The following WDPCP variants were observed in gnomAD, a reference collection of about 807,000 sequenced individuals.
WDPCP encodes WD repeat-containing and planar cell polarity effector protein fritz homolog.
In WDPCP, 71 loss-of-function variants were observed where a neutral mutation model predicts 93.1. That is an observed-to-expected ratio of 0.76 (90% CI 0.63 to 0.93). WDPCP has a LOEUF of 0.93. WDPCP is among the 40% of genes least tolerant of loss of function. WDPCP has a pLI of 0.00. For synonymous variants in WDPCP, 315 were observed against 315.0 expected (o/e 1.00, Z 0.00); for missense variants, 844 against 887.4 (o/e 0.95, Z 0.62).
chr2:63,637,707 G>A (rs572533918), intron 3 of WDPCP, among the ~76,000 whole-genome samples: 14 of 152,134 alleles, frequency 9.2e-5, no homozygotes, highest in Non-Finnish European at 1.8e-4. Context: ...AACCATCAGG[G>A]AAATGCAAAT....
chr2:63,592,614 C>T (rs952281283), upstream of WDPCP, among the ~76,000 whole-genome samples: 1 of 152,192 alleles, frequency 6.6e-6, no homozygotes, highest in Non-Finnish European at 1.5e-5. Flanking sequence ...CCGCGCAATG[C>T]GCTGGGATTG....
rs959380465 is a variant in WDPCP, at chr2:63,381,054, A to G, written c.1624+852T>C. Among the ~76,000 whole-genome samples, 2 of 152,088 alleles carry G rather than the reference A, an allele frequency of 1.3e-5. 1 individual carries two copies. The highest frequency in any genetic ancestry group is 2.9e-5 in the Non-Finnish European group (2 of 68,008). Reference sequence around the variant, plus strand: ...TTTTGACATATTTCCTGTTCCTCCTATCTTGTAAATTACCTAGGGACAGTT... The same window carrying G: ...TTTTGACATATTTCCTGTTCCTCCTGTCTTGTAAATTACCTAGGGACAGTT... On this transcript the variant is annotated intron_variant, in intron 11 of 17. Coordinates refer to ENST00000272321, the MANE Select transcript of WDPCP (RefSeq NM_015910.7).
chr2:63,364,424 T>C (rs939909450), intron 12 of WDPCP, among the ~76,000 whole-genome samples: 7 of 152,232 alleles, frequency 4.6e-5, no homozygotes, highest in Non-Finnish European at 7.3e-5. Context: ...TCATCTGTCT[T>C]CTATATCAAA....
At chr2:63,187,658 ATT>A (rs1218680349) in intron 14 of WDPCP, among the ~76,000 whole-genome samples, 1 of 152,164 alleles carries the variant, frequency 6.6e-6, no homozygotes, top group African/African-American at 2.4e-5. Flanking sequence ...TGTTATATAT[ATT>A]GTGTACCAAT....
chr2:63,379,701 T>G (rs1206783380), intron 11 of WDPCP, among the ~76,000 whole-genome samples: 2 of 152,112 alleles, frequency 1.3e-5, no homozygotes, highest in East Asian at 3.8e-4. Flanking sequence ...GAAATGAAGA[T>G]CTCAAAGATA....
intron 17 of WDPCP, among the ~76,000 whole-genome samples, chr2:63,125,676 C>T (rs945402724): frequency 1.9e-4 from 29 of 151,362 alleles, no homozygotes; most frequent in African/African-American, 7.0e-4. Context: ...GGCGTGATCT[C>T]GGCTCACTGC....
chr2:63,251,841 G>C (rs892928406), intron 14 of WDPCP, among the ~76,000 whole-genome samples: 2 of 151,704 alleles, frequency 1.3e-5, no homozygotes, highest in Non-Finnish European at 2.9e-5. Flanking sequence ...ATTTGCAGCT[G>C]AATTATACTA....
intron 13 of WDPCP, among the ~76,000 whole-genome samples, chr2:63,306,513 C>G (rs1486281074): frequency 6.6e-6 from 1 of 152,208 alleles, no homozygotes; most frequent in Non-Finnish European, 1.5e-5. Flanking sequence ...CAAACTGACT[C>G]TGGCAGCATA....
At chr2:63,773,079 TTATA>T (rs1252912986) in intron 2 of WDPCP, among the ~76,000 whole-genome samples, 1 of 152,074 alleles carries the variant, frequency 6.6e-6, no homozygotes, top group Non-Finnish European at 1.5e-5. Context: ...TTGCATTTCT[TTATA>T]TAATTTCACT....
At position 63,519,530 on chromosome 2, in the gene WDPCP, C is replaced by G. The variant is rs369196734; in HGVS notation, c.76-26590G>C. ...GATCAGTAGTCTGGAACACCTCAGC[C>G]CCTCCAGCACAGAAGTTTCCTAACC... On this transcript the variant is annotated intron_variant, in intron 1 of 17. Coordinates refer to ENST00000272321, the MANE Select transcript of WDPCP (RefSeq NM_015910.7). Among the ~76,000 whole-genome samples the G allele has an allele frequency of 3.9e-5, 6 of 152,292 alleles. No homozygotes were observed. The South Asian group carries it at 1.2e-3, about 32-fold the overall frequency.
At chr2:63,285,229 G>C (rs1206751636) in intron 13 of WDPCP, among the ~76,000 whole-genome samples, 2 of 152,176 alleles carry the variant, frequency 1.3e-5, no homozygotes, top group African/African-American at 4.8e-5. Context: ...AGGAGATCAA[G>C]ACTATCCTGG....
chr2:63,507,183 C>A (rs1181733349), intron 1 of WDPCP, among the ~76,000 whole-genome samples: 1 of 151,784 alleles, frequency 6.6e-6, no homozygotes, highest in East Asian at 1.9e-4. Flanking sequence ...ACAAAAGATA[C>A]AATCCCTGTG....
At chr2:63,612,312 A>G (rs1215886401) in intron 3 of WDPCP, among the ~76,000 whole-genome samples, 1 of 152,208 alleles carries the variant, frequency 6.6e-6, no homozygotes, top group Non-Finnish European at 1.5e-5. Flanking sequence ...ATTTAAATGG[A>G]AAGCACATGG....
intron 2 of WDPCP, among the ~76,000 whole-genome samples, chr2:63,702,011 C>T (rs1344272148): frequency 1.3e-5 from 2 of 152,026 alleles, no homozygotes; most frequent in Non-Finnish European, 2.9e-5. Flanking sequence ...TCAATTGTTC[C>T]TAGCATAAAG....
At chr2:63,122,210 C>G (rs865944569) in intron 17 of WDPCP, among the ~76,000 whole-genome samples, 154 bp from the exon 18 acceptor site, 1 of 152,100 alleles carries the variant, frequency 6.6e-6, no homozygotes, top group African/African-American at 2.4e-5. Context: ...TAACTGTATA[C>G]TTACCTGACT....
chr2:63,617,913 G>C (rs1415757986), intron 3 of WDPCP, among the ~76,000 whole-genome samples: 1 of 152,108 alleles, frequency 6.6e-6, no homozygotes, highest in Non-Finnish European at 1.5e-5. Context: ...TTTCAACCCA[G>C]ATCAGGTAAA....
At chr2:63,452,728 C>A (rs940659722) in intron 6 of WDPCP, among the ~76,000 whole-genome samples, 1 of 152,210 alleles carries the variant, frequency 6.6e-6, no homozygotes, top group African/African-American at 2.4e-5. Context: ...CAGTATGGTA[C>A]TGGTACCAAA....
intron 2 of WDPCP, among the ~76,000 whole-genome samples, chr2:63,653,795 A>G (rs1200228502): frequency 6.6e-6 from 1 of 151,794 alleles, no homozygotes; most frequent in Non-Finnish European, 1.5e-5. Context: ...CTATAATCCC[A>G]GTTACTCGGG....
intron 2 of WDPCP, among the ~76,000 whole-genome samples, chr2:63,657,598 A>G (rs747379055): frequency 6.6e-6 from 1 of 152,160 alleles, no homozygotes; most frequent in Non-Finnish European, 1.5e-5. Context: ...GCAATCATCT[A>G]GGCAAGAAAT....
Sources: allele counts gnomAD v4.1 joint callset (sites outside exome capture counted in the v4.1 genomes callset), GRCh38; gene constraint gnomAD v4.1.1; transcripts MANE v1.5; gene names NCBI Gene and HGNC (gene_info 2026-07-23, HGNC 2026-07-21).